The following BRPF3 variants were observed in gnomAD, a reference collection of about 807,000 sequenced individuals.
BRPF3 encodes the protein bromodomain and PHD finger containing 3.
BRPF3 carries 18 observed loss-of-function variants against 102.0 expected under a neutral mutation model. That is an observed-to-expected ratio of 0.18 (90% confidence interval 0.12 to 0.26). BRPF3 has a LOEUF of 0.26. Among genes scored for constraint, BRPF3 ranks in the 10% least tolerant of loss-of-function variants. The pLI is 1.00. For synonymous variants in BRPF3, 570 were observed against 614.2 expected (o/e 0.93, Z 1.06); for missense variants, 1,147 against 1,567.8 (o/e 0.73, Z 4.53).
chr6:36,221,577 A>C (rs534941645), intron 9 of BRPF3, among the ~76,000 whole-genome samples: 83 of 152,026 alleles, frequency 5.5e-4, no homozygotes, highest in African/African-American at 1.8e-3. Flanking sequence ...GAGCCACCAC[A>C]CCCAGCCCAC....
chr6:36,228,709 A>C (rs1311301695), intron 11 of BRPF3, among the ~76,000 whole-genome samples, 193 bp from the exon 12 acceptor site: 1 of 152,192 alleles, frequency 6.6e-6, no homozygotes, highest in Non-Finnish European at 1.5e-5. Context: ...ACAGGAAAAA[A>C]AAAGTGACCT....
chr6:36,220,179 TCAGGAACATA>T (rs1309817466), intron 9 of BRPF3, among the ~76,000 whole-genome samples: 5 of 152,362 alleles, frequency 3.3e-5, no homozygotes, highest in Non-Finnish European at 7.3e-5. Context: ...TTTCTACAAA[TCAGGAACATA>T]CAGACCTATT....
At chr6:36,197,084 C>A (rs1188735678) in intron 1 of BRPF3, 114 bp downstream of exon 1, 1 of 122,864 alleles carries the variant, frequency 8.1e-6, no homozygotes, top group East Asian at 2.3e-4. Flanking sequence ...CCGAGCAGGG[C>A]GGGGGCGGTG....
chr6:36,201,381 A>G lies in BRPF3; in HGVS notation c.1059A>G (p.Ala353=), dbSNP rs778263137. ...NCYTAFHVTC[A]QRAGLFMKIE... Reference sequence around the variant, plus strand: ...ACACAGCATTCCATGTGACATGTGCACAGCGGGCTGGGCTCTTCATGAAGA... The same window carrying G: ...ACACAGCATTCCATGTGACATGTGCGCAGCGGGCTGGGCTCTTCATGAAGA... The change falls in exon 2 of 13, where the codon GCA becomes GCG. Residue 353 remains alanine, a synonymous_variant. Transcript: ENST00000357641. This position sits in a 1 kb window ranked among gnomAD's most constrained non-coding sequence, Gnocchi z 5.1. 100 of 1,614,086 alleles carry G rather than the reference A, an allele frequency of 6.2e-5. No homozygotes were observed. The highest frequency in any genetic ancestry group is 7.9e-5 in the Non-Finnish European group (93 of 1,180,040).
chr6:36,225,900 T>G (rs1768723424), intron 11 of BRPF3, among the ~76,000 whole-genome samples: 1 of 152,230 alleles, frequency 6.6e-6, no homozygotes, highest in Non-Finnish European at 1.5e-5. Context: ...GTATATCCAC[T>G]TACTCTTTTA....
Position 36,201,540 on chromosome 6 carries a change from G to C in BRPF3, c.1218G>C (p.Glu406Asp). The C allele has an allele frequency of 1.2e-6, 2 of 1,614,156 alleles. No homozygotes were observed. Among genetic ancestry groups the C allele is most frequent in the Non-Finnish European group, 1.7e-6 (2 of 1,180,002 alleles). Residue 406 changes from glutamate (E) to aspartate (D), a missense_variant, in exon 2 of 13, where the codon GAG becomes GAC. Physicochemically the swap from Glu to Asp is conservative, Grantham distance 45 (BLOSUM62 2). Around this residue, in one of 11 missense-constraint regions of BRPF3, gnomAD observed 157 missense variants for 163.6 expected, o/e 0.96. Coordinates refer to ENST00000357641, the MANE Select transcript of BRPF3 (RefSeq NM_015695.3). The surrounding 1 kb of genome is among the most constrained non-coding windows in gnomAD (Gnocchi z 5.1). Reference sequence around the variant, plus strand: ...GCGACTCCCCTAGAAGCATCAGTGAGACTGGCGATGAGGAAGGGCTGAAGG... The same window carrying C: ...GCGACTCCCCTAGAAGCATCAGTGACACTGGCGATGAGGAAGGGCTGAAGG... ...RKGDSPRSIS[E>D]TGDEEGLKEG...
intron 10 of BRPF3, 130 bp from the exon 11 acceptor site, chr6:36,225,137 A>C (rs1050866012): frequency 6.0e-6 from 4 of 664,550 alleles, no homozygotes; most frequent in Non-Finnish European, 1.0e-5. Flanking sequence ...GGAGAGGGAA[A>C]AGGAAGGGTG....
intron 3 of BRPF3, 59 bp downstream of exon 3, chr6:36,204,873 T>G: frequency 8.2e-6 from 13 of 1,586,920 alleles, no homozygotes; most frequent in Non-Finnish European, 1.1e-5. Flanking sequence ...GGAAAAGGAA[T>G]GATGGTTGGG....
At chr6:36,229,557 TC>T (rs1356961094) in intron 12 of BRPF3, among the ~76,000 whole-genome samples, 1 of 152,198 alleles carries the variant, frequency 6.6e-6, no homozygotes, top group Non-Finnish European at 1.5e-5. Context: ...TTCCAGCACT[TC>T]CAGTAGCTTC....
rs371077662 is a variant in BRPF3 at position 36,201,119 on chromosome 6, C to T, written c.797C>T (p.Pro266Leu). 3.1e-6 allele frequency: 5 copies of T among 1,614,198 alleles called. No homozygotes were observed. Among genetic ancestry groups the T allele is most frequent in the Non-Finnish European group, 4.2e-6 (5 of 1,180,026 alleles). The part of the protein sequence containing the change: ...CRCCLQSPSR[P>L]VDCILCPNKG... ...TGCTGCCTGCAGTCTCCCTCCCGGC[C>T]TGTGGATTGCATCCTTTGCCCCAAT... Residue 266 changes from proline (P) to leucine (L), a missense_variant, in exon 2 of 13, where the codon CCT (proline) becomes CTT (leucine). By Grantham distance (98) the Pro-to-Leu change is moderately conservative. Around this residue, in one of 11 missense-constraint regions of BRPF3, gnomAD observed 221 missense variants for 337.1 expected, o/e 0.66. Coordinates refer to ENST00000357641, the MANE Select transcript of BRPF3 (RefSeq NM_015695.3). This position sits in a 1 kb window ranked among gnomAD's most constrained non-coding sequence, Gnocchi z 5.1.
Position 36,219,515 on chromosome 6 carries a change from G to A in BRPF3, c.3083+1505G>A, listed in dbSNP as rs543773862. Among the ~76,000 whole-genome samples, 7 of 152,278 alleles carry A rather than the reference G, an allele frequency of 4.6e-5. No individual in the cohort carries two copies. The South Asian group carries it at 1.2e-3, about 27-fold the overall frequency. ...GCTCTTGACTAAAAGTGAAAGGTGT[G>A]TTGTTGGCCCCTTCTTCTATGAAGG... On this transcript the variant is annotated intron_variant, in intron 9 of 12. Transcript: ENST00000357641.
intron 8 of BRPF3, among the ~76,000 whole-genome samples, chr6:36,216,613 A>T (rs1344000819): frequency 4.6e-5 from 7 of 152,214 alleles, no homozygotes; most frequent in African/African-American, 1.7e-4. Flanking sequence ...ACCTGCTCTT[A>T]TAGGAGGGAC....
intron 1 of BRPF3, among the ~76,000 whole-genome samples, chr6:36,198,012 C>T (rs570621304): frequency 1.3e-5 from 2 of 152,260 alleles, no homozygotes; most frequent in Admixed American, 6.5e-5. Flanking sequence ...GTTCTCACCT[C>T]TTCTAGGGCC....
At chr6:36,228,121 T>G (rs1028275967) in intron 11 of BRPF3, among the ~76,000 whole-genome samples, 4 of 152,212 alleles carry the variant, frequency 2.6e-5, no homozygotes, top group African/African-American at 9.7e-5. Flanking sequence ...ACATTCTGCT[T>G]CTGTGCTTGG....
intron 10 of BRPF3, among the ~76,000 whole-genome samples, chr6:36,223,426 A>G (rs1768620202): frequency 2.0e-5 from 3 of 152,282 alleles, no homozygotes; most frequent in South Asian, 2.1e-4. Context: ...TCTGGTGGTG[A>G]CATCTTATTC....
In BRPF3 at chr6:36,196,789, CG is replaced by C. The variant is rs1767505467; in HGVS notation, c.-205del. The stretch of plus-strand genomic sequence containing the variant: ...GGCGGCTCCATTCCCCCTCCTCCCC[CG>C]GGAGCGGCGGCGGCGGCCGGGCCGG... On this transcript the variant is annotated 5_prime_UTR_variant, in exon 1 of 13. Transcript: ENST00000357641. 6.5e-6 allele frequency: 1 copy of C among 153,624 alleles called. No individual in the cohort carries two copies. The allele number at this position is 153,624 out of a possible 1,614,324, so 9.5% of individuals were successfully genotyped here. A position where few individuals can be genotyped will look rare whatever the true frequency, so the allele number is the denominator to read the frequency against.
At chr6:36,219,418 A>G (rs886607435) in intron 9 of BRPF3, among the ~76,000 whole-genome samples, 3 of 152,196 alleles carry the variant, frequency 2.0e-5, no homozygotes, top group Non-Finnish European at 2.9e-5. Flanking sequence ...ACTCCCTTCA[A>G]AGATAAGGTA....
intron 2 of BRPF3, among the ~76,000 whole-genome samples, chr6:36,202,412 C>T (rs992480530): frequency 1.5e-5 from 2 of 131,792 alleles, no homozygotes; most frequent in African/African-American, 5.8e-5. Flanking sequence ...CTCTGTGGAC[C>T]CCCCCCCCCT....
In BRPF3 at chr6:36,205,596, C is replaced by T. The variant is rs1767876229; in HGVS notation, c.1605+782C>T. 2.0e-5 allele frequency among the ~76,000 whole-genome samples: 3 copies of T among 152,204 alleles called. No homozygotes were observed. In the South Asian group the frequency reaches 6.2e-4, roughly 32 times the overall value. ...CAGGAAGTCTTTCCTTATATTCTCA[C>T]CTGATTGATCATTGGGCTGCATTTG... On this transcript the variant is annotated intron_variant, in intron 3 of 12. Transcript: ENST00000357641.
Sources: gnomAD v4.1 joint callset for allele counts (sites outside exome capture counted in the v4.1 genomes callset) on GRCh38, gnomAD v4.1.1 for gene constraint, gnomAD v4.1.1 regional missense constraint, Gnocchi (gnomAD v3.1) non-coding constraint, MANE v1.5 for transcripts, NCBI Gene and HGNC (gene_info 2026-07-23, HGNC 2026-07-21) for gene names.